Variants in SCN11A observed in about 807,000 individuals in gnomAD.
The protein encoded by SCN11A is sodium voltage-gated channel alpha subunit 11.
SCN11A carries 122 observed loss-of-function variants against 162.2 expected under a neutral mutation model. That is an observed-to-expected ratio of 0.75 (90% confidence interval 0.65 to 0.87). The LOEUF is 0.87. Among genes scored for constraint, SCN11A ranks in the 40% least tolerant of loss-of-function variants. The pLI, the probability that SCN11A is intolerant of heterozygous loss-of-function variation, is 0.00. For missense variants in SCN11A, 2,015 were observed against 2,181.6 expected (o/e 0.92, Z 1.52); for synonymous variants, 758 against 751.5 (o/e 1.01, Z -0.14).
intron 2 of SCN11A, among the ~76,000 whole-genome samples, chr3:39,029,988 T>C (rs1234216555): frequency 6.6e-6 from 1 of 152,216 alleles, no homozygotes; most frequent in Non-Finnish European, 1.5e-5. Flanking sequence ...TAGTGTAATT[T>C]TTCTTCCATT....
chr3:38,930,550 T>C (rs1357809455), intron 7 of SCN11A, among the ~76,000 whole-genome samples: 4 of 152,160 alleles, frequency 2.6e-5, no homozygotes, highest in Non-Finnish European at 5.9e-5. Context: ...AATTGCAGAT[T>C]TGTGGGATTT....
chr3:38,974,985 G>A (rs1035054686), intron 2 of SCN11A, among the ~76,000 whole-genome samples: 5 of 150,380 alleles, frequency 3.3e-5, no homozygotes, highest in Non-Finnish European at 5.9e-5. Flanking sequence ...AATAAAGATC[G>A]TGTACCAATG....
intron 28 of SCN11A, among the ~76,000 whole-genome samples, chr3:38,859,566 A>ATCT (rs749135493): frequency 1.3e-5 from 2 of 152,228 alleles, no homozygotes; most frequent in Non-Finnish European, 2.9e-5. Context: ...AGATGGATTA[A>ATCT]CAGCTGAATT....
intron 7 of SCN11A, among the ~76,000 whole-genome samples, chr3:38,941,302 A>G (rs997608329): frequency 6.6e-6 from 1 of 152,250 alleles, no homozygotes; most frequent in Admixed American, 6.5e-5. Context: ...TCTATATACA[A>G]TGAAACTCTA....
chr3:38,883,626 G>C (rs1307043470), intron 21 of SCN11A, among the ~76,000 whole-genome samples: 1 of 152,144 alleles, frequency 6.6e-6, no homozygotes, highest in Non-Finnish European at 1.5e-5. Flanking sequence ...GTCTTGAAAA[G>C]CCTTGCATGC....
At chr3:38,911,288 G>T (rs1487581301) in intron 11 of SCN11A, among the ~76,000 whole-genome samples, 5 of 152,116 alleles carry the variant, frequency 3.3e-5, no homozygotes, top group African/African-American at 1.2e-4. Context: ...TCAATTGGTA[G>T]TTTGGCCAGA....
At chr3:38,897,716 T>TA (rs10711040) in intron 17 of SCN11A, among the ~76,000 whole-genome samples, 429 of 132,062 alleles carry the variant, frequency 3.2e-3, no homozygotes, top group African/African-American at 7.3e-3. Flanking sequence ...CTCCATCTCA[T>TA]AAAAAAAAAA....
At chr3:38,891,119 T>C (rs1040209069) in intron 19 of SCN11A, among the ~76,000 whole-genome samples, 1 of 151,874 alleles carries the variant, frequency 6.6e-6, no homozygotes, top group Admixed American at 6.6e-5. Flanking sequence ...GAAGCCATTA[T>C]AAATATATTT....
chr3:38,884,032 T>C (rs932882868), intron 21 of SCN11A, among the ~76,000 whole-genome samples: 8 of 152,194 alleles, frequency 5.3e-5, no homozygotes, highest in Non-Finnish European at 1.2e-4. Flanking sequence ...GCCTTCAATA[T>C]AGACCACATT....
intron 18 of SCN11A, among the ~76,000 whole-genome samples, chr3:38,896,572 A>G (rs1046131900): frequency 6.6e-6 from 1 of 152,212 alleles, no homozygotes; most frequent in South Asian, 2.1e-4. Flanking sequence ...ATTTCAGCCA[A>G]TCACTGGGGA....
Position 38,905,252 on chromosome 3 carries a change from C to G in SCN11A, c.1543G>C (p.Asp515His). 2 of 1,614,126 alleles carry G rather than the reference C, an allele frequency of 1.2e-6. No individual in the cohort carries two copies. ...LSLDHFDEHGDPLQRQRALSA... is the reference protein window; with the variant it reads ...LSLDHFDEHGHPLQRQRALSA... Reference sequence around the variant, plus strand: ...AGTGCTCTCTGCCTTTGGAGAGGATCTCCATGCTCATCAAAGTGGTCCAGT... The same window carrying G: ...AGTGCTCTCTGCCTTTGGAGAGGATGTCCATGCTCATCAAAGTGGTCCAGT... The change falls in exon 15 of 30, where the codon GAT (aspartate) becomes CAT (histidine). Residue 515 changes from aspartate (D) to histidine (H), a missense_variant. Transcript: ENST00000302328.
intron 2 of SCN11A, among the ~76,000 whole-genome samples, chr3:38,970,242 T>C (rs1257379603): frequency 6.6e-6 from 1 of 152,198 alleles, no homozygotes; most frequent in East Asian, 1.9e-4. Context: ...CCTGCCATCT[T>C]TCCTCTCAGG....
chr3:38,891,007 CA>C (rs1273366827), intron 19 of SCN11A, among the ~76,000 whole-genome samples: 1 of 151,714 alleles, frequency 6.6e-6, no homozygotes. Flanking sequence ...ATGAAATGTG[CA>C]AAAAACAAGA....
intron 1 of SCN11A, among the ~76,000 whole-genome samples, chr3:39,039,679 C>T (rs2031994641): frequency 6.6e-6 from 1 of 152,188 alleles, no homozygotes; most frequent in Non-Finnish European, 1.5e-5. Context: ...AGCCAATGTG[C>T]CTGGCCAGCC....
chr3:38,919,710 C>A (rs569424701), intron 11 of SCN11A, among the ~76,000 whole-genome samples: 1 of 152,314 alleles, frequency 6.6e-6, no homozygotes, highest in East Asian at 1.9e-4. Context: ...CAGTAGGTTT[C>A]TTATAAGCTT....
At chr3:38,971,517 T>C (rs2066816983) in intron 2 of SCN11A, among the ~76,000 whole-genome samples, 1 of 152,172 alleles carries the variant, frequency 6.6e-6, no homozygotes, top group Admixed American at 6.5e-5. Context: ...CAGAGACTTA[T>C]TCCCACAGCC....
chr3:38,884,383 A>T (rs1423876210), intron 21 of SCN11A, among the ~76,000 whole-genome samples: 1 of 152,204 alleles, frequency 6.6e-6, no homozygotes, highest in Non-Finnish European at 1.5e-5. Flanking sequence ...CCAGCTTTGG[A>T]GCTGTTAAGC....
chr3:39,024,909 T>C (rs1328422417), intron 2 of SCN11A, among the ~76,000 whole-genome samples: 1 of 152,234 alleles, frequency 6.6e-6, no homozygotes. Flanking sequence ...CCCTGTATCT[T>C]TGGGTCTTCC....
chr3:38,898,195 G>A lies in SCN11A; in HGVS notation c.2023-970C>T, dbSNP rs560551248. On this transcript the variant is annotated intron_variant, in intron 17 of 29. Transcript: ENST00000302328. ...AGAGGTTGCAGTGAGCTGAGATCACGCCACTGTACTCCAGCCTGGGCAACA... is the reference window on the plus strand; with the variant it reads ...AGAGGTTGCAGTGAGCTGAGATCACACCACTGTACTCCAGCCTGGGCAACA... 7.2e-4 allele frequency among the ~76,000 whole-genome samples: 109 copies of A among 152,208 alleles called. 3 individuals carry two copies. In the South Asian group the frequency reaches 0.021, roughly 29 times the overall value.
Sources: gnomAD v4.1 joint callset for allele counts (sites outside exome capture counted in the v4.1 genomes callset) on GRCh38, gnomAD v4.1.1 for gene constraint, MANE v1.5 for transcripts, NCBI Gene and HGNC (gene_info 2026-07-23, HGNC 2026-07-21) for gene names.